The following TBC1D1 variants were observed in gnomAD, a reference collection of about 807,000 sequenced individuals.
TBC1D1 encodes the protein TBC1 domain family member 1.
In TBC1D1, 89 loss-of-function variants were observed where a neutral mutation model predicts 125.6. The observed-to-expected ratio is 0.71, with a 90% CI of 0.60 to 0.85. The LOEUF is 0.85. Ranked by LOEUF, TBC1D1 falls within the 40% of genes least tolerant of loss-of-function variation. The pLI is 0.00. For synonymous variants in TBC1D1, 565 were observed against 564.1 expected, an observed-to-expected ratio of 1.00 and a Z score of -0.02; for missense variants, 1,377 against 1,469.2, an observed-to-expected ratio of 0.94 and a Z score of 1.03.
Position 38,137,239 on chromosome 4 carries a change from G to A in TBC1D1, c.3411G>A (p.Ser1137=), listed in dbSNP as rs765504741. 77 of 1,612,214 alleles carry A rather than the reference G, an allele frequency of 4.8e-5. No homozygotes were observed. Among genetic ancestry groups the A allele is most frequent in the Non-Finnish European group, 3.6e-5 (43 of 1,180,026 alleles). ...TGCTTACCTTAGAACTGGAGCGGTC[G>A]GCCCTGCTGCAGACGGTGGAGGAGC... Residue 1137 remains serine, a synonymous_variant, in exon 20 of 20, where the codon TCG becomes TCA. Coordinates refer to ENST00000261439, the MANE Select transcript of TBC1D1 (RefSeq NM_015173.4).
intron 2 of TBC1D1, chr4:37,996,117 T>C (rs2152396489): frequency 2.0e-6 from 1 of 492,904 alleles, no homozygotes; most frequent in Admixed American, 2.1e-5. Flanking sequence ...TGTAGAGGAA[T>C]TCCTTGGCTT....
chr4:37,905,958 A>G (rs553581973), intron 2 of TBC1D1, among the ~76,000 whole-genome samples: 15 of 152,290 alleles, frequency 9.8e-5, no homozygotes, highest in African/African-American at 3.4e-4. Context: ...GCACCCATCT[A>G]GTAAAACGTT....
At chr4:37,925,846 TATC>T (rs1374396250) in intron 2 of TBC1D1, among the ~76,000 whole-genome samples, 1 of 152,208 alleles carries the variant, frequency 6.6e-6, no homozygotes, top group Non-Finnish European at 1.5e-5. Context: ...AATAATATGT[TATC>T]ATCAATTAGA....
At chr4:38,094,825 A>G (rs185869273) in intron 13 of TBC1D1, among the ~76,000 whole-genome samples, 19 of 151,706 alleles carry the variant, frequency 1.3e-4, no homozygotes, top group African/African-American at 4.6e-4. Flanking sequence ...GATTTGCTGC[A>G]AGGATTAGCT....
chr4:38,015,122 A>T (rs536784028), intron 3 of TBC1D1, 149 bp downstream of exon 3: 1 of 720,242 alleles, frequency 1.4e-6, no homozygotes, highest in African/African-American at 1.8e-5. Flanking sequence ...TATTCTTAGG[A>T]TAAGCTCCTT....
chr4:37,930,008 C>T (rs1254371324), intron 2 of TBC1D1, among the ~76,000 whole-genome samples: 1 of 152,096 alleles, frequency 6.6e-6, no homozygotes, highest in Non-Finnish European at 1.5e-5. Flanking sequence ...CCCCATGACC[C>T]GGCAGTTCCA....
chr4:38,015,301 A>C (rs185273936), intron 3 of TBC1D1, among the ~76,000 whole-genome samples: 2 of 152,204 alleles, frequency 1.3e-5, no homozygotes. Flanking sequence ...CAGATGATAT[A>C]TTTCAACAGA....
At chr4:37,965,898 C>A (rs929604546) in intron 2 of TBC1D1, among the ~76,000 whole-genome samples, 1 of 152,030 alleles carries the variant, frequency 6.6e-6, no homozygotes, top group Non-Finnish European at 1.5e-5. Context: ...TTACAGGTGC[C>A]ACCATGCCCA....
intron 11 of TBC1D1, 115 bp from the exon 14 acceptor site, chr4:38,054,084 T>C (rs1751226449): frequency 8.7e-7 from 1 of 1,144,620 alleles, no homozygotes; most frequent in African/African-American, 1.5e-5. Context: ...TGATTGATTA[T>C]TTGTTTATAC....
At chr4:38,021,530 C>A (rs1744028047) in intron 5 of TBC1D1, 56 bp from the exon 6 acceptor site, 4 of 1,427,914 alleles carry the variant, frequency 2.8e-6, no homozygotes, top group Admixed American at 2.9e-5. Context: ...ACATCTCAGC[C>A]CAGCTAATTT....
chr4:38,070,287 A>G (rs1754480097), intron 12 of TBC1D1, among the ~76,000 whole-genome samples: 1 of 152,220 alleles, frequency 6.6e-6, no homozygotes, highest in African/African-American at 2.4e-5. Flanking sequence ...TGATTAATAT[A>G]TTTATCCTGT....
chr4:38,094,290 G>A (rs543312358), intron 13 of TBC1D1, among the ~76,000 whole-genome samples: 4 of 152,288 alleles, frequency 2.6e-5, no homozygotes, highest in Non-Finnish European at 4.4e-5. Flanking sequence ...AGACCTGAAC[G>A]TTATCACAAA....
rs573146520 is a variant in TBC1D1, at chr4:38,014,884, G to T, written c.793G>T (p.Glu265Ter). Residue 265 changes from glutamate (E) to a stop codon, truncating the protein, a stop_gained, in exon 3 of 20, where the codon GAG becomes TAG. Transcript: ENST00000261439. LOFTEE classifies it high-confidence loss of function. This position sits in a 1 kb window ranked among gnomAD's most constrained non-coding sequence, Gnocchi z 5.1. The stretch of plus-strand genomic sequence containing the variant: ...AAGCAGCGGCTTCTTCAGCTCCTTC[G>T]AGGAGAGCGACATTGAGAACCACCT... 3.7e-6 allele frequency: 6 copies of T among 1,606,990 alleles called. No homozygotes were observed. The highest frequency in any genetic ancestry group is 5.1e-6 in the Non-Finnish European group (6 of 1,174,638).
At chr4:38,135,950 G>GTGTGTA (rs1766524652) in intron 19 of TBC1D1, among the ~76,000 whole-genome samples, 1 of 145,702 alleles carries the variant, frequency 6.9e-6, no homozygotes, top group Admixed American at 6.8e-5. Context: ...GTGTGTGTGT[G>GTGTGTA]TGTATATATG....
At chr4:37,905,210 A>C (rs1323458209) in intron 2 of TBC1D1, among the ~76,000 whole-genome samples, 1 of 152,244 alleles carries the variant, frequency 6.6e-6, no homozygotes, top group Non-Finnish European at 1.5e-5. Flanking sequence ...AAACTTCAAA[A>C]CATTTTGTGG....
chr4:38,093,900 C>T (rs1578669528), intron 13 of TBC1D1, among the ~76,000 whole-genome samples: 1 of 152,176 alleles, frequency 6.6e-6, no homozygotes, highest in African/African-American at 2.4e-5. Context: ...TGATTCAATA[C>T]AGCCGTGGCT....
intron 14 of TBC1D1, among the ~76,000 whole-genome samples, chr4:38,097,929 T>G (rs1008293544): frequency 6.6e-6 from 1 of 152,254 alleles, no homozygotes; most frequent in African/African-American, 2.4e-5. Context: ...TCCCTTTCTA[T>G]GGATAAGGAA....
chr4:38,104,521 T>C lies in TBC1D1; in HGVS notation c.2557+1364T>C, dbSNP rs145341981. On this transcript the variant is annotated intron_variant, in intron 15 of 19. Coordinates refer to ENST00000261439, the MANE Select transcript of TBC1D1 (RefSeq NM_015173.4). ...GTGGTAGGAGATGGGCCCTGCTGCT[T>C]TTAGAGCATGTGGCCCTGCTTCCAG... Among the ~76,000 whole-genome samples the C allele has an allele frequency of 3.3e-3, 505 of 152,266 alleles. 5 individuals carry two copies. Among genetic ancestry groups the C allele is most frequent in the African/African-American group, 0.012 (495 of 41,550 alleles).
At chr4:37,947,109 C>A (rs1432363095) in intron 2 of TBC1D1, among the ~76,000 whole-genome samples, 2 of 152,130 alleles carry the variant, frequency 1.3e-5, no homozygotes. Flanking sequence ...TACCCGCACT[C>A]CCCAAGTAAA....
Sources: allele counts gnomAD v4.1 joint callset (sites outside exome capture counted in the v4.1 genomes callset), GRCh38; gene constraint gnomAD v4.1.1; non-coding constraint Gnocchi (gnomAD v3.1); transcripts MANE v1.5; gene names NCBI Gene and HGNC (gene_info 2026-07-23, HGNC 2026-07-21).